TRPS1: variants seen among roughly 807,000 people sequenced by gnomAD.
TRPS1 encodes zinc finger transcription factor Trps1.
In TRPS1, 6 loss-of-function variants were observed where a neutral mutation model predicts 101.2. The observed-to-expected ratio is 0.06, with a 90% CI of 0.03 to 0.12. The LOEUF (loss-of-function observed/expected upper bound fraction) is 0.12. TRPS1 is among the 10% of genes least tolerant of loss of function. TRPS1 has a pLI of 1.00. For missense variants in TRPS1, 1,363 were observed against 1,567.0 expected (o/e 0.87, Z 2.20); for synonymous variants, 578 against 589.8 (o/e 0.98, Z 0.29).
At chr8:115,480,257 GA>G (rs1814717949) in intron 5 of TRPS1, among the ~76,000 whole-genome samples, 1 of 152,156 alleles carries the variant, frequency 6.6e-6, no homozygotes, top group East Asian at 1.9e-4. Flanking sequence ...GAGATGAAAT[GA>G]AATACCATAC....
At position 115,409,364 on chromosome 8, in the gene TRPS1, C is replaced by T. The variant is rs376893580; in HGVS notation, c.*4659G>A. ...TGATAAAAGCTAAACATTATTTCCA[C>T]GGTAAAGTTATTCCTGCTTTTCTCC... On this transcript the variant is annotated 3_prime_UTR_variant, in exon 7 of 7. Transcript: ENST00000395715. The T allele has an allele frequency of 1.1e-3, 169 of 150,796 alleles. No homozygotes were observed. Among genetic ancestry groups the T allele is most frequent in the African/African-American group, 3.8e-3 (157 of 41,070 alleles). 9.3% of individuals were successfully genotyped at this position (150,796 alleles called of 1,614,324 possible).
chr8:115,495,067 A>G (rs1379194606), intron 5 of TRPS1, among the ~76,000 whole-genome samples: 5 of 152,202 alleles, frequency 3.3e-5, no homozygotes, highest in African/African-American at 9.6e-5. Flanking sequence ...TTTGGGAAGA[A>G]GTAAAGATTT....
chr8:115,541,821 T>C (rs1816460286), intron 5 of TRPS1, among the ~76,000 whole-genome samples: 1 of 152,182 alleles, frequency 6.6e-6, no homozygotes, highest in Admixed American at 6.5e-5. Flanking sequence ...TAATACAATA[T>C]TTAAGTGAAA....
chr8:115,569,705 A>G (rs1302840959), intron 5 of TRPS1, among the ~76,000 whole-genome samples: 2 of 152,100 alleles, frequency 1.3e-5, no homozygotes, highest in African/African-American at 2.4e-5. Context: ...GTCCCATTAC[A>G]CATTTCTGGT....
intron 3 of TRPS1, among the ~76,000 whole-genome samples, chr8:115,612,718 C>T (rs1818197840): frequency 6.6e-6 from 1 of 152,172 alleles, no homozygotes; most frequent in Admixed American, 6.5e-5. Flanking sequence ...TTCAACTAAA[C>T]ATGAAAGGAG....
At chr8:115,469,996 G>C (rs1814426355) in intron 5 of TRPS1, among the ~76,000 whole-genome samples, 1 of 152,088 alleles carries the variant, frequency 6.6e-6, no homozygotes. Flanking sequence ...GATATGCTTT[G>C]GTCTTTGACA....
At chr8:115,430,410 A>T (rs563767913) in intron 5 of TRPS1, among the ~76,000 whole-genome samples, 7 of 152,026 alleles carry the variant, frequency 4.6e-5, no homozygotes, top group Non-Finnish European at 8.8e-5. Context: ...AATTGAATTG[A>T]CCTCTAGCAG....
At chr8:115,542,516 C>T (rs1816477726) in intron 5 of TRPS1, among the ~76,000 whole-genome samples, 1 of 151,934 alleles carries the variant, frequency 6.6e-6, no homozygotes, top group South Asian at 2.1e-4. Flanking sequence ...ACGCCAGAGT[C>T]CTTTCCAGAA....
intron 4 of TRPS1, among the ~76,000 whole-genome samples, chr8:115,599,742 G>A (rs1345381926): frequency 6.6e-6 from 1 of 152,090 alleles, no homozygotes; most frequent in Non-Finnish European, 1.5e-5. Flanking sequence ...ATCTATCATT[G>A]GTGGACATTT....
chr8:115,610,389 T>A (rs1329874330), intron 3 of TRPS1, among the ~76,000 whole-genome samples: 2 of 152,200 alleles, frequency 1.3e-5, no homozygotes, highest in Non-Finnish European at 2.9e-5. Flanking sequence ...GTATAGTGCT[T>A]CAAAAAAACA....
intron 1 of TRPS1, among the ~76,000 whole-genome samples, chr8:115,641,152 G>A (rs1445140688): frequency 6.6e-6 from 1 of 152,194 alleles, no homozygotes; most frequent in Non-Finnish European, 1.5e-5. Context: ...GTTAAATACT[G>A]TGCAATCTTT....
chr8:115,578,797 A>C (rs1472435509), intron 5 of TRPS1, among the ~76,000 whole-genome samples: 1 of 152,150 alleles, frequency 6.6e-6, no homozygotes, highest in African/African-American at 2.4e-5. Context: ...TGTATTATCC[A>C]ACTCTTTCGC....
chr8:115,492,859 G>C (rs1176558945), intron 5 of TRPS1, among the ~76,000 whole-genome samples: 1 of 151,902 alleles, frequency 6.6e-6, no homozygotes, highest in Non-Finnish European at 1.5e-5. Context: ...GACTACAGTA[G>C]TGTGCCACCA....
At position 115,452,119 on chromosome 8, in the gene TRPS1, C is replaced by T. The variant is rs575643758; in HGVS notation, c.2701-33667G>A. ...TTAACAAGTGTGAGTTATCAGAGTT[C>T]GCATATCAAATTAAACCCAATGAAT... On this transcript the variant is annotated intron_variant, in intron 5 of 6. Transcript: ENST00000395715. Among the ~76,000 whole-genome samples, 8 of 152,236 alleles carry T rather than the reference C, an allele frequency of 5.3e-5. No individual in the cohort carries two copies. In the East Asian group the frequency reaches 5.8e-4, roughly 11 times the overall value.
At chr8:115,609,854 G>A (rs143763103) in intron 3 of TRPS1, among the ~76,000 whole-genome samples, 36 of 152,128 alleles carry the variant, frequency 2.4e-4, no homozygotes, top group African/African-American at 8.4e-4. Context: ...ATTTACATAT[G>A]TCTTTTTACA....
chr8:115,468,585 A>T (rs933638148), intron 5 of TRPS1, among the ~76,000 whole-genome samples: 1 of 152,166 alleles, frequency 6.6e-6, no homozygotes, highest in Admixed American at 6.5e-5. Context: ...ACCCTTGCCA[A>T]AGCCAAATGT....
intron 4 of TRPS1, among the ~76,000 whole-genome samples, chr8:115,592,217 C>T (rs533594903): frequency 6.6e-6 from 1 of 152,258 alleles, no homozygotes; most frequent in East Asian, 1.9e-4. Flanking sequence ...CCAGAATATC[C>T]TGGGCATAAT....
chr8:115,605,940 T>G (rs947462859), intron 3 of TRPS1, among the ~76,000 whole-genome samples: 2 of 152,178 alleles, frequency 1.3e-5, no homozygotes, highest in Non-Finnish European at 2.9e-5. Flanking sequence ...AAGCCACCAC[T>G]GAGCAGCCAA....
chr8:115,520,297 A>G (rs1815826229), intron 5 of TRPS1, among the ~76,000 whole-genome samples: 1 of 151,738 alleles, frequency 6.6e-6, no homozygotes, highest in South Asian at 2.1e-4. Context: ...GAAACAGGCT[A>G]AAGAGCAATT....
Sources: gnomAD v4.1 joint callset for allele counts (sites outside exome capture counted in the v4.1 genomes callset) on GRCh38, gnomAD v4.1.1 for gene constraint, MANE v1.5 for transcripts, NCBI Gene and HGNC (gene_info 2026-07-23, HGNC 2026-07-21) for gene names.